Variants in DLGAP1 observed in about 807,000 individuals in gnomAD.
DLGAP1 encodes the protein DLG associated protein 1.
In DLGAP1, 11 loss-of-function variants were observed where a neutral mutation model predicts 90.8. The ratio of observed to expected loss-of-function variants is 0.12; its 90% CI spans 0.08 to 0.20. The LOEUF (loss-of-function observed/expected upper bound fraction) is 0.20, where lower values mean the gene tolerates loss of function less well. Ranked by LOEUF, DLGAP1 falls within the 10% of genes least tolerant of loss-of-function variation. The pLI is 1.00. For missense variants in DLGAP1, 1,050 were observed against 1,333.8 expected (o/e 0.79, Z 3.31); for synonymous variants, 558 against 540.7 (o/e 1.03, Z -0.44).
intron 7 of DLGAP1, among the ~76,000 whole-genome samples, chr18:3,598,763 C>CAGCAAA (rs2056739468): frequency 1.3e-5 from 2 of 151,452 alleles, no homozygotes; most frequent in Non-Finnish European, 1.5e-5. Context: ...CCACCGCGCC[C>CAGCAAA]GGTCCCCTCC....
intron 7 of DLGAP1, among the ~76,000 whole-genome samples, chr18:3,630,480 C>T (rs1017858205): frequency 6.6e-6 from 1 of 152,110 alleles, no homozygotes; most frequent in Non-Finnish European, 1.5e-5. Flanking sequence ...AACTGTGTGC[C>T]CCAATTCCCT....
intron 7 of DLGAP1, among the ~76,000 whole-genome samples, chr18:3,713,662 C>G (rs1353392078): frequency 1.3e-5 from 2 of 152,136 alleles, no homozygotes; most frequent in Non-Finnish European, 2.9e-5. Context: ...TGCTTTAGGT[C>G]TTCCACTTGA....
chr18:3,808,064 T>C (rs2066650337), intron 5 of DLGAP1, among the ~76,000 whole-genome samples: 1 of 152,244 alleles, frequency 6.6e-6, no homozygotes, highest in Non-Finnish European at 1.5e-5. Context: ...TTTTAAAAAC[T>C]AGGAGTGGTG....
chr18:3,616,866 AG>A (rs1280422917), intron 7 of DLGAP1, among the ~76,000 whole-genome samples: 3 of 152,168 alleles, frequency 2.0e-5, no homozygotes, highest in Non-Finnish European at 4.4e-5. Context: ...ATTGGAAGGA[AG>A]TGACACTGCA....
chr18:4,288,776 G>C (rs577821956), intron 1 of DLGAP1, among the ~76,000 whole-genome samples: 1 of 152,106 alleles, frequency 6.6e-6, no homozygotes, highest in Non-Finnish European at 1.5e-5. Context: ...ATCTGCCTCC[G>C]ACTAAGTGGA....
At chr18:4,258,742 T>C (rs1231292584) in intron 1 of DLGAP1, among the ~76,000 whole-genome samples, 1 of 151,936 alleles carries the variant, frequency 6.6e-6, no homozygotes, top group Non-Finnish European at 1.5e-5. Flanking sequence ...CTGCTCCTTA[T>C]TGTAGTGCAT....
chr18:4,152,047 T>A (rs1021375451), intron 1 of DLGAP1, among the ~76,000 whole-genome samples: 9 of 152,178 alleles, frequency 5.9e-5, no homozygotes, highest in Non-Finnish European at 8.8e-5. Flanking sequence ...CCCACACTTA[T>A]GAAGGAGGTA....
intron 7 of DLGAP1, among the ~76,000 whole-genome samples, chr18:3,591,419 G>A (rs1275944510): frequency 6.6e-6 from 1 of 152,110 alleles, no homozygotes; most frequent in Non-Finnish European, 1.5e-5. Flanking sequence ...CTGTTGCGGT[G>A]GCTCATTCCT....
chr18:4,001,126 T>A lies in DLGAP1; in HGVS notation c.-73+3990A>T, dbSNP rs202122754. 4.3e-3 allele frequency among the ~76,000 whole-genome samples: 461 copies of A among 107,364 alleles called. 2 individuals are homozygous for A. Among genetic ancestry groups the A allele is most frequent in the Non-Finnish European group, 6.3e-3 (311 of 49,488 alleles). 70.4% of individuals were successfully genotyped at this position (107,364 alleles called of 152,430 possible). ...ATTTTAAAAATATTCATTCTTTTCT[T>A]TTCTATTTTTCTTAAGGAACTTTCT... On this transcript the variant is annotated intron_variant, in intron 3 of 12. Transcript: ENST00000315677.
intron 1 of DLGAP1, among the ~76,000 whole-genome samples, chr18:4,275,599 G>GCT (rs63330760): frequency 1.3e-5 from 2 of 149,482 alleles, no homozygotes; most frequent in Non-Finnish European, 3.0e-5. Flanking sequence ...GATTTTAGCT[G>GCT]TTTTTTTTTT....
At chr18:3,910,911 T>C (rs2072018932) in intron 3 of DLGAP1, among the ~76,000 whole-genome samples, 2 of 152,164 alleles carry the variant, frequency 1.3e-5, no homozygotes, top group Admixed American at 1.3e-4. Context: ...TGGGACAAGA[T>C]TTCTATAAAA....
At chr18:4,422,727 A>C (rs1189198047) in intron 1 of DLGAP1, among the ~76,000 whole-genome samples, 1 of 152,114 alleles carries the variant, frequency 6.6e-6, no homozygotes, top group Admixed American at 6.5e-5. Context: ...AAATATTAAT[A>C]CTAGCATTAT....
At chr18:3,953,778 G>T (rs1272127936) in intron 3 of DLGAP1, among the ~76,000 whole-genome samples, 1 of 152,006 alleles carries the variant, frequency 6.6e-6, no homozygotes, top group African/African-American at 2.4e-5. Flanking sequence ...GTTTTTAAAT[G>T]GAAATATTTT....
chr18:3,598,908 GACTACAGGCGGGC>G (rs1326410754), intron 7 of DLGAP1, among the ~76,000 whole-genome samples: 1 of 152,066 alleles, frequency 6.6e-6, no homozygotes, highest in Non-Finnish European at 1.5e-5. Flanking sequence ...GAGTACCTGA[GACTACAGGCGGGC>G]GCCACCACAC....
intron 3 of DLGAP1, among the ~76,000 whole-genome samples, chr18:3,880,925 A>T (rs1255337162): frequency 2.1e-5 from 3 of 143,560 alleles, no homozygotes; most frequent in Non-Finnish European, 1.5e-5. Context: ...CCTGGGGGAC[A>T]GAGCCAGACT....
intron 1 of DLGAP1, among the ~76,000 whole-genome samples, chr18:4,427,455 T>A (rs1235527796): frequency 2.6e-5 from 4 of 152,242 alleles, no homozygotes; most frequent in African/African-American, 9.6e-5. Context: ...CTCAGTTCTC[T>A]ACCGGGCCTC....
At chr18:3,837,449 G>A (rs1157924841) in intron 4 of DLGAP1, among the ~76,000 whole-genome samples, 1 of 152,060 alleles carries the variant, frequency 6.6e-6, no homozygotes, top group Non-Finnish European at 1.5e-5. Context: ...ATAGATGTAG[G>A]CTCTTTCTTT....
At chr18:3,977,975 A>G (rs539783802) in intron 3 of DLGAP1, 19 of 361,630 alleles carry the variant, frequency 5.3e-5, no homozygotes, top group South Asian at 4.2e-4. Flanking sequence ...CTCCAGGATG[A>G]CTTTGCCTAC....
intron 3 of DLGAP1, among the ~76,000 whole-genome samples, chr18:3,991,149 A>T (rs534037449): frequency 6.6e-6 from 1 of 151,954 alleles, no homozygotes; most frequent in Admixed American, 6.5e-5. Flanking sequence ...ATTTGTTTTA[A>T]TTTCTAATAA....
Sources: gnomAD v4.1 joint callset for allele counts (sites outside exome capture counted in the v4.1 genomes callset) on GRCh38, gnomAD v4.1.1 for gene constraint, MANE v1.5 for transcripts, NCBI Gene and HGNC (gene_info 2026-07-23, HGNC 2026-07-21) for gene names.